The following GBE1 variants were observed in gnomAD, a reference collection of about 807,000 sequenced individuals.
GBE1 encodes 1,4-alpha-glucan branching enzyme 1.
A neutral mutation model predicts 88.8 loss-of-function variants in GBE1; 70 were observed. That is an observed-to-expected ratio of 0.79 (90% CI 0.65 to 0.96). GBE1 has a LOEUF of 0.96. GBE1 is among the 40% of genes least tolerant of loss of function. The pLI is 0.00. For missense variants in GBE1, 872 were observed against 871.0 expected (o/e 1.00, Z -0.01); for synonymous variants, 284 against 300.1 (o/e 0.95, Z 0.56).
At chr3:81,555,143 G>A (rs1186689940) in intron 12 of GBE1, among the ~76,000 whole-genome samples, 8 of 152,142 alleles carry the variant, frequency 5.3e-5, no homozygotes, top group Admixed American at 1.3e-4. Flanking sequence ...CAGCTCTCTC[G>A]CTTTGCTCTG....
intron 7 of GBE1, among the ~76,000 whole-genome samples, chr3:81,614,703 C>CA (rs1704226473): frequency 1.3e-5 from 2 of 151,896 alleles, no homozygotes; most frequent in South Asian, 4.2e-4. Context: ...ACTAAAGATA[C>CA]AAAAAATTAG....
intron 2 of GBE1, among the ~76,000 whole-genome samples, chr3:81,675,035 T>G (rs1222832238): frequency 2.0e-5 from 3 of 151,862 alleles, no homozygotes; most frequent in African/African-American, 7.2e-5. Flanking sequence ...AGTCCTAGAG[T>G]TTTTTATAAA....
At chr3:81,650,964 A>G (rs925609330) in intron 3 of GBE1, among the ~76,000 whole-genome samples, 9 of 152,162 alleles carry the variant, frequency 5.9e-5, no homozygotes, top group Non-Finnish European at 8.8e-5. Flanking sequence ...GCGTGAGCCA[A>G]TGCAGCAGGC....
intron 7 of GBE1, among the ~76,000 whole-genome samples, chr3:81,635,293 AT>A (rs1704576689): frequency 6.6e-6 from 1 of 152,176 alleles, no homozygotes; most frequent in Non-Finnish European, 1.5e-5. Flanking sequence ...TTACAACTCA[AT>A]AGTGATGCCT....
intron 4 of GBE1, among the ~76,000 whole-genome samples, chr3:81,649,509 G>GT (rs1704814679): frequency 7.3e-6 from 1 of 136,118 alleles, no homozygotes; most frequent in African/African-American, 2.7e-5. Flanking sequence ...AGAAATTGTA[G>GT]TTTAAAAAAA....
chr3:81,654,173 G>A (rs1480774238), intron 3 of GBE1, among the ~76,000 whole-genome samples: 1 of 152,008 alleles, frequency 6.6e-6, no homozygotes, highest in African/African-American at 2.4e-5. Flanking sequence ...GACATTATTA[G>A]ATTACATAAA....
rs73853475 is a variant in GBE1, at chr3:81,729,158, A to G, written c.144-23545T>C. ...AACTTGCAAAATGGAATTCCACTAT[A>G]AAATGGAAATAGTATATACAAGACC... On this transcript the variant is annotated intron_variant, in intron 1 of 15. Coordinates refer to ENST00000429644, the MANE Select transcript of GBE1 (RefSeq NM_000158.4). Among the ~76,000 whole-genome samples the G allele has an allele frequency of 5.0e-3, 768 of 152,298 alleles. 2 individuals are homozygous for G. Among genetic ancestry groups the G allele is most frequent in the African/African-American group, 0.018 (737 of 41,562 alleles).
At chr3:81,549,577 T>C (rs1219939197) in intron 12 of GBE1, among the ~76,000 whole-genome samples, 1 of 151,458 alleles carries the variant, frequency 6.6e-6, no homozygotes, top group Non-Finnish European at 1.5e-5. Context: ...AATGTCACTT[T>C]CTGATAAGCC....
intron 10 of GBE1, 43 bp downstream of exon 10, chr3:81,586,049 C>A: frequency 9.5e-7 from 1 of 1,057,640 alleles, no homozygotes; most frequent in East Asian, 2.5e-5. Context: ...AATGAAGCAA[C>A]ACAGTATTCA....
intron 1 of GBE1, among the ~76,000 whole-genome samples, chr3:81,748,757 C>T (rs529854402): frequency 6.6e-6 from 1 of 151,604 alleles, no homozygotes; most frequent in Admixed American, 6.6e-5. Context: ...GCCTGTAATT[C>T]CAACACTTTG....
intron 14 of GBE1, among the ~76,000 whole-genome samples, chr3:81,516,492 A>G (rs1051406182): frequency 6.6e-6 from 1 of 151,546 alleles, no homozygotes; most frequent in African/African-American, 2.4e-5. Context: ...TGTACAAGGA[A>G]ATTAATGTTG....
At chr3:81,508,607 C>T (rs1350959688) in intron 14 of GBE1, among the ~76,000 whole-genome samples, 1 of 152,084 alleles carries the variant, frequency 6.6e-6, no homozygotes, top group Non-Finnish European at 1.5e-5. Flanking sequence ...ACACCTTCCC[C>T]CAAACAAACT....
At chr3:81,721,604 G>A (rs1289639960) in intron 1 of GBE1, among the ~76,000 whole-genome samples, 1 of 152,190 alleles carries the variant, frequency 6.6e-6, no homozygotes, top group East Asian at 1.9e-4. Flanking sequence ...TAATTATACA[G>A]TATTATAAAT....
At chr3:81,532,101 G>T (rs1202898307) in intron 14 of GBE1, among the ~76,000 whole-genome samples, 1 of 151,960 alleles carries the variant, frequency 6.6e-6, no homozygotes. Context: ...AAGGGGTGGG[G>T]GAGGGTTGGT....
intron 7 of GBE1, among the ~76,000 whole-genome samples, chr3:81,610,549 C>G (rs978071016): frequency 6.6e-6 from 1 of 152,032 alleles, no homozygotes; most frequent in Admixed American, 6.6e-5. Context: ...TTGGGGGTGG[C>G]ATATATATTT....
At chr3:81,659,733 G>T (rs1704996266) in intron 3 of GBE1, among the ~76,000 whole-genome samples, 1 of 151,468 alleles carries the variant, frequency 6.6e-6, no homozygotes, top group Admixed American at 6.6e-5. Context: ...ACCCCTAAAA[G>T]AAATCTAGAG....
intron 15 of GBE1, 60 bp from the exon 16 acceptor site, chr3:81,490,523 G>A: frequency 1.5e-6 from 2 of 1,338,514 alleles, no homozygotes; most frequent in Non-Finnish European, 2.1e-6. Flanking sequence ...CTGTCATTAT[G>A]TCAAAGAAAC....
intron 1 of GBE1, among the ~76,000 whole-genome samples, chr3:81,753,306 A>T (rs1422619591): frequency 6.6e-6 from 1 of 152,222 alleles, no homozygotes; most frequent in African/African-American, 2.4e-5. Flanking sequence ...TGGTGAACAT[A>T]AACTGATGAG....
intron 12 of GBE1, among the ~76,000 whole-genome samples, chr3:81,563,344 C>G (rs1470939071): frequency 2.6e-5 from 4 of 152,054 alleles, no homozygotes; most frequent in African/African-American, 9.7e-5. Flanking sequence ...TAAGAATTAA[C>G]AACACGGCAG....
Sources: allele counts gnomAD v4.1 joint callset (sites outside exome capture counted in the v4.1 genomes callset), GRCh38; gene constraint gnomAD v4.1.1; transcripts MANE v1.5; gene names NCBI Gene and HGNC (gene_info 2026-07-23, HGNC 2026-07-21).